Variants in WAPL observed in about 807,000 individuals in gnomAD.
WAPL encodes the protein WAPL cohesin release factor.
A neutral mutation model predicts 121.0 loss-of-function variants in WAPL; 5 were observed. The ratio of observed to expected loss-of-function variants is 0.04; its 90% CI spans 0.02 to 0.09. The LOEUF (loss-of-function observed/expected upper bound fraction) is 0.09, where lower values mean the gene tolerates loss of function less well. Ranked by LOEUF, WAPL falls within the 10% of genes least tolerant of loss-of-function variation. The pLI is 1.00. For missense variants in WAPL, 999 were observed against 1,410.8 expected (o/e 0.71, Z 4.68); for synonymous variants, 480 against 481.5 (o/e 1.00, Z 0.04).
intron 4 of WAPL, among the ~76,000 whole-genome samples, chr10:86,478,625 C>G (rs1012481855): frequency 2.6e-5 from 4 of 151,922 alleles, no homozygotes; most frequent in Non-Finnish European, 5.9e-5. Context: ...CAAGAAAAAC[C>G]TCAAATGTGA....
intron 4 of WAPL, among the ~76,000 whole-genome samples, chr10:86,475,250 ACCT>A (rs1161460168): frequency 6.6e-6 from 1 of 152,194 alleles, no homozygotes; most frequent in Non-Finnish European, 1.5e-5. Flanking sequence ...GAAAGGTAAC[ACCT>A]CATCCTCTCT....
intron 4 of WAPL, among the ~76,000 whole-genome samples, chr10:86,483,881 C>T (rs887470293): frequency 3.7e-5 from 5 of 136,630 alleles, no homozygotes; most frequent in African/African-American, 1.4e-4. Context: ...GCCACCACGC[C>T]TGGCTAACTG....
intron 4 of WAPL, among the ~76,000 whole-genome samples, chr10:86,484,192 T>C (rs928291191): frequency 6.6e-6 from 1 of 152,190 alleles, no homozygotes; most frequent in Non-Finnish European, 1.5e-5. Context: ...ACGTTTATAA[T>C]GTTAAAAAGT....
At chr10:86,501,534 C>T (rs894019060) in intron 2 of WAPL, among the ~76,000 whole-genome samples, 4 of 152,150 alleles carry the variant, frequency 2.6e-5, no homozygotes, top group Admixed American at 2.6e-4. Context: ...AATGTATACC[C>T]TATGCCAAAC....
chr10:86,500,852 C>T (rs534774174), intron 2 of WAPL, 109 bp from the exon 3 acceptor site: 1 of 920,300 alleles, frequency 1.1e-6, no homozygotes, highest in Non-Finnish European at 1.6e-6. Context: ...GGAAGAACTG[C>T]AAATAATTTT....
chr10:86,509,536 T>C (rs762240667), intron 2 of WAPL, among the ~76,000 whole-genome samples: 1 of 152,194 alleles, frequency 6.6e-6, no homozygotes, highest in Non-Finnish European at 1.5e-5. Context: ...AGCACACTTG[T>C]GATTGTTTAT....
chr10:86,459,193 A>C, intron 11 of WAPL, 128 bp from the exon 12 acceptor site: 1 of 656,964 alleles, frequency 1.5e-6, no homozygotes, highest in Non-Finnish European at 2.5e-6. Flanking sequence ...ACCAAAGGGA[A>C]TAATTTCACA....
intron 7 of WAPL, among the ~76,000 whole-genome samples, chr10:86,471,528 G>A (rs1210905030): frequency 6.6e-6 from 1 of 152,082 alleles, no homozygotes; most frequent in East Asian, 1.9e-4. Context: ...TTGAGCATTT[G>A]GGTACAAATG....
intron 15 of WAPL, 124 bp from the exon 16 acceptor site, chr10:86,446,573 AGAGG>A: frequency 9.1e-7 from 1 of 1,097,370 alleles, no homozygotes; most frequent in Non-Finnish European, 1.3e-6. Flanking sequence ...TGTGATAAAA[AGAGG>A]TGAGTATAAG....
chr10:86,453,223 C>A lies in WAPL; in HGVS notation c.2946G>T (p.Val982=), dbSNP rs780356299. 2 of 1,613,890 alleles carry A rather than the reference C, an allele frequency of 1.2e-6. No individual in the cohort carries two copies. Among genetic ancestry groups the A allele is most frequent in the Non-Finnish European group, 1.7e-6 (2 of 1,179,888 alleles). ...LPQEQRFDIR[V]LGLGLLINLV... is the part of the protein sequence containing the mutation. Reference sequence around the variant, plus strand: ...TGAAAAAGTCATTTCAACTTACCAGCACTCGAATATCAAATCTCTGCTCCT... The same window carrying A: ...TGAAAAAGTCATTTCAACTTACCAGAACTCGAATATCAAATCTCTGCTCCT... Residue 982 remains valine, a synonymous_variant, in exon 14 of 19, where the codon GTG becomes GTT. Coordinates refer to ENST00000298767, the MANE Select transcript of WAPL (RefSeq NM_015045.5).
At position 86,518,117 on chromosome 10, in the gene WAPL, T is replaced by C. The variant is rs755730226; in HGVS notation, c.-22-26A>G. 3.2e-6 allele frequency: 5 copies of C among 1,584,866 alleles called. No individual in the cohort carries two copies. In the South Asian group the frequency reaches 5.7e-5, roughly 18 times the overall value. On this transcript the variant is annotated intron_variant, in intron 1 of 18. Transcript: ENST00000298767. ...CTGTGAAAAAAAATTTAAGAAAACA[T>C]ATAATCATCAAATACAAGTGTTAAA...
chr10:86,476,343 C>T (rs1181922991), intron 4 of WAPL, among the ~76,000 whole-genome samples: 3 of 151,566 alleles, frequency 2.0e-5, no homozygotes, highest in African/African-American at 4.8e-5. Context: ...TCAGCCTGGG[C>T]GACAGAGCGA....
chr10:86,453,211 T>G lies in WAPL; in HGVS notation c.2949+9A>C. On this transcript the variant is annotated intron_variant, in intron 14 of 18. Transcript: ENST00000298767. ...GATACTCATTTCTGAAAAAGTCATT[T>G]CAACTTACCAGCACTCGAATATCAA... The G allele has an allele frequency of 6.2e-7, 1 of 1,613,780 alleles. No homozygotes were observed. Among genetic ancestry groups the G allele is most frequent in the African/African-American group, 1.3e-5 (1 of 75,036 alleles).
intron 2 of WAPL, among the ~76,000 whole-genome samples, chr10:86,501,635 C>A (rs79368267): frequency 0.02 from 3,117 of 152,288 alleles, 122 homozygotes; most frequent in African/African-American, 0.071. Flanking sequence ...GAGAGGGATG[C>A]TTTACATGGA....
At chr10:86,493,591 G>A (rs1003885774) in intron 4 of WAPL, among the ~76,000 whole-genome samples, 7 of 152,156 alleles carry the variant, frequency 4.6e-5, no homozygotes, top group African/African-American at 1.7e-4. Context: ...GTGAAGTGAT[G>A]TGATCATAGC....
At chr10:86,457,842 T>C (rs536367273) in intron 12 of WAPL, among the ~76,000 whole-genome samples, 49 of 152,262 alleles carry the variant, frequency 3.2e-4, no homozygotes, top group Non-Finnish European at 5.4e-4. Flanking sequence ...AAAATGGCAC[T>C]GGGGTTATAT....
intron 17 of WAPL, among the ~76,000 whole-genome samples, chr10:86,439,617 T>C (rs1849412441): frequency 6.6e-6 from 1 of 152,164 alleles, no homozygotes; most frequent in Non-Finnish European, 1.5e-5. Context: ...ATTTTAAAAG[T>C]GTCCAGTAGG....
intron 12 of WAPL, among the ~76,000 whole-genome samples, chr10:86,455,237 G>T (rs7070147): frequency 6.6e-6 from 1 of 152,200 alleles, no homozygotes; most frequent in Non-Finnish European, 1.5e-5. Flanking sequence ...CAGTTTTGTC[G>T]AACAGAAAAG....
At chr10:86,464,365 T>C (rs1375442278) in intron 9 of WAPL, among the ~76,000 whole-genome samples, 5 of 152,204 alleles carry the variant, frequency 3.3e-5, no homozygotes, top group Admixed American at 6.5e-5. Flanking sequence ...AATTCAATTA[T>C]CAAGTTTATC....
Sources: gnomAD v4.1 joint callset for allele counts (sites outside exome capture counted in the v4.1 genomes callset) on GRCh38, gnomAD v4.1.1 for gene constraint, MANE v1.5 for transcripts, NCBI Gene and HGNC (gene_info 2026-07-23, HGNC 2026-07-21) for gene names.